Variants in C2CD5 observed in about 807,000 individuals in gnomAD.
The protein encoded by C2CD5 is C2 calcium dependent domain containing 5.
In C2CD5, 109 loss-of-function variants were observed where a neutral mutation model predicts 130.3. The observed-to-expected ratio is 0.84, with a 90% CI of 0.72 to 0.98. The LOEUF is 0.98. Ranked by LOEUF, C2CD5 falls within the 50% of genes least tolerant of loss-of-function variation. The probability of loss-of-function intolerance (pLI) is 0.00; values close to 1 mark genes in which losing one functional copy is unlikely to be tolerated. For synonymous variants in C2CD5, 454 were observed against 429.2 expected (o/e 1.06, Z -0.71); for missense variants, 996 against 1,261.8 (o/e 0.79, Z 3.19).
intron 3 of C2CD5, among the ~76,000 whole-genome samples, chr12:22,533,529 G>A (rs978012470): frequency 2.6e-5 from 4 of 152,168 alleles, no homozygotes; most frequent in African/African-American, 9.7e-5. Context: ...GATGTAGAGA[G>A]AAAGAGGGCA....
chr12:22,517,423 A>G (rs555448668), intron 8 of C2CD5, among the ~76,000 whole-genome samples: 2 of 152,128 alleles, frequency 1.3e-5, no homozygotes, highest in South Asian at 4.1e-4. Flanking sequence ...TCAAAATACA[A>G]TAGAAAATAC....
chr12:22,518,924 T>C (rs938516037), intron 7 of C2CD5: 1 of 428,002 alleles, frequency 2.3e-6, no homozygotes, highest in Admixed American at 4.1e-5. Flanking sequence ...GAAGAATACC[T>C]TCACTTCCAT....
intron 22 of C2CD5, among the ~76,000 whole-genome samples, chr12:22,468,179 T>A (rs1375955882): frequency 3.3e-5 from 5 of 151,218 alleles, no homozygotes; most frequent in Admixed American, 1.3e-4. Flanking sequence ...ATAAAGTAGA[T>A]GTTAAAGAAA....
intron 21 of C2CD5, among the ~76,000 whole-genome samples, chr12:22,470,250 T>C (rs1478845140): frequency 2.0e-5 from 3 of 152,148 alleles, no homozygotes; most frequent in African/African-American, 7.2e-5. Flanking sequence ...TTTAAAAGTT[T>C]AGGACTAATC....
Position 22,525,715 on chromosome 12 carries a change from T to C in C2CD5, c.350-10A>G, listed in dbSNP as rs1333884737. 27 of 1,320,756 alleles carry C rather than the reference T, an allele frequency of 2.0e-5. No homozygotes were observed. Among genetic ancestry groups the C allele is most frequent in the Non-Finnish European group, 2.7e-5 (25 of 919,100 alleles). 81.8% of individuals were successfully genotyped at this position (1,320,756 alleles called of 1,614,324 possible). ...ATTTCCCCACGGATACCTATAAATTTAAAAAGAAAATCAAGTTTCTACCTT... is the reference window on the plus strand; with the variant it reads ...ATTTCCCCACGGATACCTATAAATTCAAAAAGAAAATCAAGTTTCTACCTT... On this transcript the variant is annotated splice_polypyrimidine_tract_variant and intron_variant, in intron 4 of 26. Coordinates refer to ENST00000446597, the MANE Select transcript of C2CD5 (RefSeq NM_001286176.2).
intron 3 of C2CD5, among the ~76,000 whole-genome samples, chr12:22,533,665 AG>A (rs1412140065): frequency 6.6e-6 from 1 of 152,214 alleles, no homozygotes; most frequent in South Asian, 2.1e-4. Flanking sequence ...AAGGGCCTCA[AG>A]GAAGGAAGCA....
intron 11 of C2CD5, 28 bp downstream of exon 11, chr12:22,493,195 G>C: frequency 7.7e-7 from 1 of 1,300,024 alleles, no homozygotes; most frequent in Non-Finnish European, 1.1e-6. Flanking sequence ...ATTAGTGTCT[G>C]GAAAATCAAG....
rs1212871768 is a variant in C2CD5, at chr12:22,524,611, T to C, written c.462A>G (p.Lys154=). 8.7e-6 allele frequency: 14 copies of C among 1,611,774 alleles called. No individual in the cohort carries two copies. The highest frequency in any genetic ancestry group is 1.2e-5 in the Non-Finnish European group (14 of 1,178,566). The change falls in exon 6 of 27, where the codon AAA becomes AAG. Residue 154 remains lysine (K), a synonymous_variant. Coordinates refer to ENST00000446597, the MANE Select transcript of C2CD5 (RefSeq NM_001286176.2). The stretch of plus-strand genomic sequence containing the variant: ...CATGAATTATCACAGCTCTATAGCA[T>C]TTTGGAATAGACGTTGCTGTTAAAA... ...VKFFCTTSIP[K]CYRAVIIHGF... is the part of the protein sequence containing the mutation.
At chr12:22,472,112 A>G in intron 18 of C2CD5, 47 bp from the exon 19 acceptor site, 1 of 1,129,106 alleles carries the variant, frequency 8.9e-7, no homozygotes, top group Non-Finnish European at 1.3e-6. Flanking sequence ...TTTTAACTAA[A>G]TATTTTAACA....
At chr12:22,489,769 CTCTT>C (rs907856472) in intron 12 of C2CD5, among the ~76,000 whole-genome samples, 3 of 151,946 alleles carry the variant, frequency 2.0e-5, no homozygotes, top group Non-Finnish European at 2.9e-5. Flanking sequence ...GTTTCATAAC[CTCTT>C]TCTGTTTTTG....
intron 10 of C2CD5, among the ~76,000 whole-genome samples, chr12:22,501,715 C>T (rs1947821864): frequency 6.6e-6 from 1 of 152,028 alleles, no homozygotes; most frequent in African/African-American, 2.4e-5. Flanking sequence ...TTGGACTTAT[C>T]ATATGGTTTA....
intron 26 of C2CD5, among the ~76,000 whole-genome samples, chr12:22,452,437 C>A (rs1312991395): frequency 6.6e-6 from 1 of 152,088 alleles, no homozygotes; most frequent in Non-Finnish European, 1.5e-5. Context: ...CCACTCCACA[C>A]AATCTCCTTC....
At chr12:22,482,831 A>G (rs1441878745) in intron 13 of C2CD5, 88 bp from the exon 14 acceptor site, 5 of 899,242 alleles carry the variant, frequency 5.6e-6, no homozygotes, top group African/African-American at 1.7e-5. Flanking sequence ...AGTGTGCTGA[A>G]TAAAACATTT....
rs542015048 is a variant in C2CD5 at position 22,483,580 on chromosome 12, C to A, written c.1551-837G>T. ...GACAGACAAAAAAAATAGCTCACCA[C>A]CAGCAGACCATCAAAAGAAATACTA... is the stretch of plus-strand genomic sequence containing the variant. On this transcript the variant is annotated intron_variant, in intron 13 of 26. Transcript: ENST00000446597. 3.7e-4 allele frequency among the ~76,000 whole-genome samples: 57 copies of A among 152,106 alleles called. 1 individual carries two copies. The South Asian group carries it at 7.3e-3, about 19-fold the overall frequency.
chr12:22,465,169 T>C (rs1941846626), intron 22 of C2CD5, among the ~76,000 whole-genome samples: 1 of 151,982 alleles, frequency 6.6e-6, no homozygotes, highest in Non-Finnish European at 1.5e-5. Context: ...GCTAATGTAA[T>C]GAATAGAGTA....
chr12:22,474,870 C>A lies in C2CD5; in HGVS notation c.1924G>T (p.Gly642Ter). The A allele has an allele frequency of 1.9e-6, 3 of 1,593,870 alleles. No homozygotes were observed. Among genetic ancestry groups the A allele is most frequent in the Non-Finnish European group, 2.6e-6 (3 of 1,168,240 alleles). The change falls in exon 16 of 27, where the codon GGA (glycine) becomes TGA (stop). Residue 642 changes from glycine to a stop codon, truncating the protein, a stop_gained. Coordinates refer to ENST00000446597, the MANE Select transcript of C2CD5 (RefSeq NM_001286176.2). LOFTEE classifies it high-confidence loss of function. ...NPPEISEEII[G>*]SPIPEPRQRS... is the part of the protein sequence containing the mutation. The stretch of plus-strand genomic sequence containing the variant: ...TGCCTAGGTTCTGGGATGGGTGATC[C>A]TATAATCTCTTCAGATATCTCCTAA...
intron 26 of C2CD5, 45 bp from the exon 27 acceptor site, chr12:22,449,936 T>G (rs377022594): frequency 7.2e-6 from 11 of 1,517,310 alleles, no homozygotes; most frequent in Non-Finnish European, 9.9e-6. Context: ...ACTCAACACA[T>G]TCATACTCTT....
At chr12:22,529,125 G>A (rs552828400) in intron 3 of C2CD5, among the ~76,000 whole-genome samples, 19 of 152,218 alleles carry the variant, frequency 1.2e-4, no homozygotes, top group Admixed American at 9.8e-4. Context: ...ACAGTAGAAC[G>A]TAGACAGCTG....
intron 10 of C2CD5, among the ~76,000 whole-genome samples, chr12:22,496,080 T>A (rs1946971469): frequency 6.6e-6 from 1 of 152,070 alleles, no homozygotes; most frequent in Non-Finnish European, 1.5e-5. Flanking sequence ...GCTACTAAAT[T>A]TAGGGGGCAT....
Sources: allele counts gnomAD v4.1 joint callset (sites outside exome capture counted in the v4.1 genomes callset), GRCh38; gene constraint gnomAD v4.1.1; transcripts MANE v1.5; gene names NCBI Gene and HGNC (gene_info 2026-07-23, HGNC 2026-07-21).